SDK1: variants seen among roughly 807,000 people sequenced by gnomAD.
SDK1 encodes protein sidekick-1.
SDK1 carries 157 observed loss-of-function variants against 245.5 expected under a neutral mutation model. That is an observed-to-expected ratio of 0.64 (90% CI 0.56 to 0.73). SDK1 has a LOEUF of 0.73. Ranked by LOEUF, SDK1 falls within the 30% of genes least tolerant of loss-of-function variation. SDK1 has a pLI of 0.00. For synonymous variants in SDK1, 1,647 were observed against 1,278.5 expected (o/e 1.29, Z -6.15); for missense variants, 3,583 against 3,002.3 (o/e 1.19, Z -4.52).
chr7:3,759,803 G>A (rs369612194), intron 4 of SDK1, among the ~76,000 whole-genome samples: 4 of 152,146 alleles, frequency 2.6e-5, no homozygotes, highest in Non-Finnish European at 5.9e-5. Flanking sequence ...ATGTTGGCCA[G>A]GCTGGTCTCG....
chr7:3,389,764 C>T (rs1181470528), intron 1 of SDK1, among the ~76,000 whole-genome samples: 2 of 149,762 alleles, frequency 1.3e-5, no homozygotes, highest in Admixed American at 6.6e-5. Context: ...TAAACAAAAA[C>T]AAAAAACTAA....
At chr7:4,218,578 C>T (rs756606817) in intron 38 of SDK1, among the ~76,000 whole-genome samples, 12 of 152,178 alleles carry the variant, frequency 7.9e-5, no homozygotes, top group East Asian at 1.9e-4. Context: ...AGTAGGAAGG[C>T]GCTTTGTTCT....
rs556659430 is a variant in SDK1, at chr7:3,895,029, A to G, written c.848-55894A>G. ...GATTACCAGCGTGTCTCTAATGTAC[A>G]TTTTACTGATTCATTCCTCTAAAAA... On this transcript the variant is annotated intron_variant, in intron 5 of 44. Coordinates refer to ENST00000404826, the MANE Select transcript of SDK1 (RefSeq NM_152744.4). Among the ~76,000 whole-genome samples the G allele has an allele frequency of 4.6e-5, 7 of 152,164 alleles. No individual in the cohort carries two copies. The South Asian group carries it at 6.2e-4, about 14-fold the overall frequency.
intron 1 of SDK1, among the ~76,000 whole-genome samples, chr7:3,613,024 A>G (rs1435452375): frequency 2.0e-5 from 3 of 152,240 alleles, no homozygotes; most frequent in African/African-American, 7.2e-5. Context: ...CAAATAGGTG[A>G]TGATTATCCT....
chr7:3,471,432 T>A (rs78118362), intron 1 of SDK1, among the ~76,000 whole-genome samples: 8,934 of 152,274 alleles, frequency 0.059, 287 homozygotes, highest in African/African-American at 0.079. Flanking sequence ...TATTGTAAAT[T>A]GGGTTATTTC....
rs189465002 is a variant in SDK1 at position 4,176,531 on chromosome 7, G to T, written c.4996+697G>T. Among the ~76,000 whole-genome samples the T allele has an allele frequency of 1.8e-3, 267 of 152,194 alleles. 3 individuals are homozygous for T. Among genetic ancestry groups the T allele is most frequent in the Non-Finnish European group, 3.1e-3 (214 of 68,022 alleles). ...AATGGACCTTCTTAACCATTTTTAG[G>T]TGTACAGTTCAGTGGCATTAAGCAC... On this transcript the variant is annotated intron_variant, in intron 34 of 44. Coordinates refer to ENST00000404826, the MANE Select transcript of SDK1 (RefSeq NM_152744.4).
intron 19 of SDK1, among the ~76,000 whole-genome samples, chr7:4,056,930 C>A (rs569478782): frequency 2.6e-5 from 4 of 152,330 alleles, no homozygotes; most frequent in Non-Finnish European, 5.9e-5. Context: ...CCACTGACAT[C>A]CCCTGCCCAC....
intron 5 of SDK1, among the ~76,000 whole-genome samples, chr7:3,829,338 G>T (rs1170849801): frequency 6.6e-6 from 1 of 152,138 alleles, no homozygotes; most frequent in Non-Finnish European, 1.5e-5. Flanking sequence ...TACTGTTGAT[G>T]ACCCTCTAAG....
intron 44 of SDK1, among the ~76,000 whole-genome samples, chr7:4,263,208 C>T (rs149216209): frequency 5.4e-5 from 5 of 92,430 alleles, no homozygotes; most frequent in African/African-American, 2.3e-4. Context: ...CTTCCCTGTA[C>T]CTGGTCACCT....
rs1329385682 is a variant in SDK1 at position 3,580,989 on chromosome 7, AAAAAACCAAAAC to A, written c.299-38086_299-38075del. ...ATCTCAAAAAAAAAAAAAAAAAAAAAAAAAACCAAAACAAAACCCTGGAAGACAATCTATGCA... is the reference window on the plus strand; with the variant it reads ...ATCTCAAAAAAAAAAAAAAAAAAAAAAAAACCCTGGAAGACAATCTATGCA... On this transcript the variant is annotated intron_variant, in intron 1 of 44. Transcript: ENST00000404826. 2.9e-3 allele frequency among the ~76,000 whole-genome samples: 401 copies of A among 136,452 alleles called. 34 individuals carry two copies. Among genetic ancestry groups the A allele is most frequent in the African/African-American group, 0.01 (371 of 36,038 alleles). The allele number at this position is 136,452 out of a possible 152,430, so 89.5% of individuals were successfully genotyped here. A position where few individuals can be genotyped will look rare whatever the true frequency, so the allele number is the denominator to read the frequency against.
At chr7:3,333,852 A>T (rs555938186) in intron 1 of SDK1, among the ~76,000 whole-genome samples, 32 of 152,334 alleles carry the variant, frequency 2.1e-4, no homozygotes, top group Admixed American at 5.2e-4. Flanking sequence ...AGGTTGTGCT[A>T]GAGTATAATT....
At chr7:3,332,392 T>C (rs765109171) in intron 1 of SDK1, among the ~76,000 whole-genome samples, 19 of 152,166 alleles carry the variant, frequency 1.2e-4, no homozygotes, top group Non-Finnish European at 2.6e-4. Context: ...ATATCTTATC[T>C]GTATGTAAAT....
At chr7:3,870,709 A>AAATG (rs1780934816) in intron 5 of SDK1, among the ~76,000 whole-genome samples, 1 of 152,242 alleles carries the variant, frequency 6.6e-6, no homozygotes, top group African/African-American at 2.4e-5. Context: ...AAATTTATCA[A>AAATG]AATGAACAAA....
chr7:4,205,073 G>C (rs781496112), intron 35 of SDK1, among the ~76,000 whole-genome samples: 13 of 78,978 alleles, frequency 1.6e-4, no homozygotes, highest in African/African-American at 2.4e-4. Context: ...CAGCCCTGCA[G>C]ACGCAGACAG....
intron 25 of SDK1, among the ~76,000 whole-genome samples, chr7:4,115,068 G>A (rs1446581269): frequency 1.3e-5 from 2 of 152,190 alleles, no homozygotes; most frequent in African/African-American, 4.8e-5. Flanking sequence ...CCAACTGTGG[G>A]TCATAGGAGC....
At chr7:3,612,177 A>G (rs527592492) in intron 1 of SDK1, among the ~76,000 whole-genome samples, 3 of 152,168 alleles carry the variant, frequency 2.0e-5, no homozygotes, top group East Asian at 1.9e-4. Context: ...AAATCTCACA[A>G]ATCACCACTA....
At chr7:3,409,972 T>C (rs1779156074) in intron 1 of SDK1, among the ~76,000 whole-genome samples, 1 of 152,150 alleles carries the variant, frequency 6.6e-6, no homozygotes. Context: ...GCTACAGTGA[T>C]AAGTGCTTCA....
At chr7:3,360,581 A>G (rs912010295) in intron 1 of SDK1, among the ~76,000 whole-genome samples, 1 of 152,204 alleles carries the variant, frequency 6.6e-6, no homozygotes, top group East Asian at 1.9e-4. Context: ...GATGAAAGAT[A>G]CAAATGTTTC....
chr7:3,578,427 G>A (rs1001714194), intron 1 of SDK1, among the ~76,000 whole-genome samples: 1 of 152,058 alleles, frequency 6.6e-6, no homozygotes, highest in South Asian at 2.1e-4. Flanking sequence ...GTTCAGCTGT[G>A]CACGTATTGT....
Sources: gnomAD v4.1 joint callset for allele counts (sites outside exome capture counted in the v4.1 genomes callset) on GRCh38, gnomAD v4.1.1 for gene constraint, MANE v1.5 for transcripts, NCBI Gene and HGNC (gene_info 2026-07-23, HGNC 2026-07-21) for gene names.